The following ZHX3 variants were observed in gnomAD, a reference collection of about 807,000 sequenced individuals.
ZHX3 encodes the protein zinc fingers and homeoboxes 3.
Under a neutral mutation model 64.5 loss-of-function variants are expected in ZHX3, and 20 were observed. The ratio of observed to expected loss-of-function variants is 0.31; its 90% CI spans 0.22 to 0.45. ZHX3 has a LOEUF of 0.45. ZHX3 is among the 20% of genes least tolerant of loss of function. ZHX3 has a pLI of 1.00. For missense variants in ZHX3, 1,041 were observed against 1,195.8 expected, an observed-to-expected ratio of 0.87 and a Z score of 1.91; for synonymous variants, 423 against 461.6, an observed-to-expected ratio of 0.92 and a Z score of 1.07.
chr20:41,203,130 G>A lies in ZHX3; in HGVS notation c.1787C>T (p.Thr596Ile). 6.2e-7 allele frequency: 1 copy of A among 1,614,110 alleles called. No homozygotes were observed. The highest frequency in any genetic ancestry group is 8.5e-7 in the Non-Finnish European group (1 of 1,180,018). Reference protein sequence around the residue: ...TCIPTTATLATHPSAKRQSWH... With the variant: ...TCIPTTATLAIHPSAKRQSWH... ...AGATTGTCGTTTGGCAGAAGGGTGG[G>A]TTGCTAGTGTGGCTGTTGTCGGAAT... Residue 596 changes from threonine to isoleucine, a missense_variant, in exon 3 of 4, where the codon ACC (threonine) becomes ATC (isoleucine). Thr to Ile is a moderately conservative substitution (Grantham distance 89). Transcript: ENST00000683867. This position sits in a 1 kb window ranked among gnomAD's most constrained non-coding sequence, Gnocchi z 7.1.
intron 2 of ZHX3, among the ~76,000 whole-genome samples, chr20:41,233,932 G>T (rs1318624310): frequency 6.6e-6 from 1 of 152,162 alleles, no homozygotes; most frequent in Non-Finnish European, 1.5e-5. Context: ...GAAGAGACAT[G>T]AAAATCCCAC....
chr20:41,218,088 A>C (rs2039665884), intron 2 of ZHX3, among the ~76,000 whole-genome samples: 1 of 151,634 alleles, frequency 6.6e-6, no homozygotes. Flanking sequence ...CTGAAGTGAG[A>C]GCTATGGTTC....
chr20:41,193,856 C>A (rs1192767458), intron 3 of ZHX3, among the ~76,000 whole-genome samples: 1 of 151,986 alleles, frequency 6.6e-6, no homozygotes, highest in Non-Finnish European at 1.5e-5. Context: ...GCACATGCCA[C>A]CATGCCCAGC....
rs529103068 is a variant in ZHX3 at position 41,187,540 on chromosome 20, C to A, written c.2861-2339G>T. 2.0e-5 allele frequency among the ~76,000 whole-genome samples: 3 copies of A among 152,076 alleles called. No homozygotes were observed. In the East Asian group the frequency reaches 5.8e-4, roughly 29 times the overall value. ...CCTTTTGGTGAAAAGACTGTCTTTT[C>A]CCATTGAATGGTCTTTGCACCCCTG... is the stretch of plus-strand genomic sequence containing the variant. On this transcript the variant is annotated intron_variant, in intron 3 of 3. Transcript: ENST00000683867.
At chr20:41,268,846 G>C (rs879326430) in intron 2 of ZHX3, 144 bp downstream of exon 2, 1 of 152,264 alleles carries the variant, frequency 6.6e-6, no homozygotes, top group African/African-American at 2.4e-5. Context: ...TAAAAAACAA[G>C]GGAGGAGAAA....
rs1339578456 is a variant in ZHX3 at position 41,184,535 on chromosome 20, C to T, written c.*656G>A. On this transcript the variant is annotated 3_prime_UTR_variant, in exon 4 of 4. Transcript: ENST00000683867. ...CCATTTTTTGAACTGAGGGTTACAG[C>T]AGGTTCTGCACTGAGTAGCCCACAA... The T allele has an allele frequency of 1.6e-5, 3 of 191,704 alleles. No homozygotes were observed. Among genetic ancestry groups the T allele is most frequent in the Admixed American group, 1.1e-4 (2 of 18,320 alleles). 11.9% of individuals were successfully genotyped at this position (191,704 alleles called of 1,614,324 possible).
rs560542885 is a variant in ZHX3 at position 41,298,368 on chromosome 20, T to C, written c.-245+19141A>G. 2.0e-5 allele frequency among the ~76,000 whole-genome samples: 3 copies of C among 152,280 alleles called. No homozygotes were observed. In the South Asian group the frequency reaches 6.2e-4, roughly 32 times the overall value. ...ATACATGTAGCAGTCCTTAGCACAG[T>C]GAGTGACATGCTATGAGGGCTCAAT... On this transcript the variant is annotated intron_variant, in intron 1 of 3. Transcript: ENST00000683867.
intron 2 of ZHX3, among the ~76,000 whole-genome samples, chr20:41,248,318 C>T (rs145774534): frequency 6.6e-6 from 1 of 152,210 alleles, no homozygotes; most frequent in East Asian, 1.9e-4. Context: ...TCCAGTTTCT[C>T]CGGTTTTTTT....
intron 1 of ZHX3, among the ~76,000 whole-genome samples, chr20:41,287,169 T>C (rs1316116967): frequency 6.6e-6 from 1 of 152,146 alleles, no homozygotes; most frequent in East Asian, 1.9e-4. Context: ...CAGGAATCAA[T>C]CATTTATCCC....
intron 2 of ZHX3, among the ~76,000 whole-genome samples, chr20:41,251,144 G>C (rs1384991010): frequency 2.2e-5 from 3 of 136,578 alleles, no homozygotes; most frequent in Non-Finnish European, 4.6e-5. Flanking sequence ...CAACAGAAAA[G>C]GCAGAAATAT....
chr20:41,227,937 G>T (rs1200501374), intron 2 of ZHX3, among the ~76,000 whole-genome samples: 1 of 151,974 alleles, frequency 6.6e-6, no homozygotes, highest in African/African-American at 2.4e-5. Flanking sequence ...CCTCCCCCAT[G>T]CCAGACTGCC....
In ZHX3 at chr20:41,272,526, TTCCTCC is replaced by T. The variant is rs377127775; in HGVS notation, c.-244-3449_-244-3444del. ...TGTACTCATTAAGCAGTCACTTCTA[TTCCTCC>T]TCCTCCTCCTCCTCCAACTCCTGAC... On this transcript the variant is annotated intron_variant, in intron 1 of 3. Transcript: ENST00000683867. Among the ~76,000 whole-genome samples the T allele has an allele frequency of 1.1e-3, 162 of 151,818 alleles. 2 individuals carry two copies. Among genetic ancestry groups the T allele is most frequent in the African/African-American group, 3.7e-3 (152 of 41,480 alleles).
At chr20:41,261,464 C>T (rs1600544252) in intron 2 of ZHX3, among the ~76,000 whole-genome samples, 1 of 152,156 alleles carries the variant, frequency 6.6e-6, no homozygotes, top group South Asian at 2.1e-4. Context: ...AGGGAGCTGA[C>T]TTAGGTTGTG....
intron 2 of ZHX3, among the ~76,000 whole-genome samples, chr20:41,251,070 G>A (rs1454012037): frequency 6.6e-6 from 1 of 152,122 alleles, no homozygotes; most frequent in Non-Finnish European, 1.5e-5. Flanking sequence ...ATGGTTAAAG[G>A]AAGTTTTTCA....
intron 1 of ZHX3, among the ~76,000 whole-genome samples, chr20:41,287,172 T>A (rs1045214041): frequency 3.9e-5 from 6 of 152,148 alleles, no homozygotes; most frequent in Non-Finnish European, 7.4e-5. Context: ...GAATCAATCA[T>A]TTATCCCAGG....
chr20:41,312,139 G>C (rs1159977717), intron 1 of ZHX3, among the ~76,000 whole-genome samples: 2 of 152,212 alleles, frequency 1.3e-5, no homozygotes, highest in African/African-American at 4.8e-5. Flanking sequence ...ATTGTAATAT[G>C]CACCAATCAG....
At chr20:41,266,382 C>A (rs1025372597) in intron 2 of ZHX3, among the ~76,000 whole-genome samples, 1 of 152,074 alleles carries the variant, frequency 6.6e-6, no homozygotes, top group East Asian at 1.9e-4. Flanking sequence ...AACCTTCCCC[C>A]ACTGCAACCT....
chr20:41,290,884 T>TG (rs1236045345), intron 1 of ZHX3, among the ~76,000 whole-genome samples: 1 of 152,206 alleles, frequency 6.6e-6, no homozygotes, highest in Admixed American at 6.5e-5. Context: ...TTTCTTCATC[T>TG]GGGGGCCTCC....
At position 41,317,722 on chromosome 20, in the gene ZHX3, G is replaced by A. The variant is rs1477203172; in HGVS notation, c.-458C>T. 2 of 151,900 alleles carry A rather than the reference G, an allele frequency of 1.3e-5. No individual in the cohort carries two copies. Among genetic ancestry groups the A allele is most frequent in the Admixed American group, 6.6e-5 (1 of 15,228 alleles). The allele number at this position is 151,900 out of a possible 1,614,324, so 9.4% of individuals were successfully genotyped here. ...GGCTCGGCCGCTCTCGGAGGCGCTC[G>A]GCTCTGCTCGGCCTTGCACGGCTCC... On this transcript the variant is annotated 5_prime_UTR_variant, in exon 1 of 4. Coordinates refer to ENST00000683867, the MANE Select transcript of ZHX3 (RefSeq NM_001384317.1).
Sources: gnomAD v4.1 joint callset for allele counts (sites outside exome capture counted in the v4.1 genomes callset) on GRCh38, gnomAD v4.1.1 for gene constraint, Gnocchi (gnomAD v3.1) non-coding constraint, MANE v1.5 for transcripts, NCBI Gene and HGNC (gene_info 2026-07-23, HGNC 2026-07-21) for gene names.